Variants in LIN28B observed in about 807,000 individuals in gnomAD.
LIN28B encodes protein lin-28 homolog B.
LIN28B carries 5 observed loss-of-function variants against 21.9 expected under a neutral mutation model. That is an observed-to-expected ratio of 0.23 (90% CI 0.12 to 0.48). The LOEUF (loss-of-function observed/expected upper bound fraction) is 0.48, where lower values mean the gene tolerates loss of function less well. Among genes scored for constraint, LIN28B ranks in the 20% least tolerant of loss-of-function variants. LIN28B has a pLI of 0.98. For missense variants in LIN28B, 245 were observed against 310.5 expected (o/e 0.79, Z 1.58); for synonymous variants, 109 against 111.3 (o/e 0.98, Z 0.13).
In LIN28B at chr6:105,031,019, A is replaced by G. The variant is rs150562959; in HGVS notation, c.383+4537A>G. 3.1e-3 allele frequency among the ~76,000 whole-genome samples: 473 copies of G among 152,248 alleles called. 6 individuals are homozygous for G. Among genetic ancestry groups the G allele is most frequent in the African/African-American group, 0.011 (451 of 41,546 alleles). ...GAATACAAAAAGGTAGGAAAAATTA[A>G]GTATGGCCGCCAAACATGTATGCCC... On this transcript the variant is annotated intron_variant, in intron 3 of 3. Coordinates refer to ENST00000345080, the MANE Select transcript of LIN28B (RefSeq NM_001004317.4).
intron 2 of LIN28B, among the ~76,000 whole-genome samples, chr6:105,010,593 C>T (rs368645284): frequency 1.4e-4 from 22 of 152,258 alleles, no homozygotes; most frequent in African/African-American, 4.8e-4. Context: ...TATAACTCTG[C>T]ATCTATTATA....
intron 2 of LIN28B, among the ~76,000 whole-genome samples, chr6:104,973,022 A>G (rs1770011274): frequency 1.3e-5 from 2 of 152,132 alleles, no homozygotes; most frequent in Non-Finnish European, 2.9e-5. Flanking sequence ...GAGGTGTGAG[A>G]ATCGCTTGAA....
chr6:104,999,280 T>C (rs1770673025), intron 2 of LIN28B, among the ~76,000 whole-genome samples: 1 of 152,076 alleles, frequency 6.6e-6, no homozygotes, highest in Non-Finnish European at 1.5e-5. Flanking sequence ...GCTGGGACTA[T>C]AGGCCTTTGA....
chr6:104,989,587 T>TG lies in LIN28B; in HGVS notation c.198+31301_198+31302insG, dbSNP rs1562083384. Among the ~76,000 whole-genome samples, 473 of 126,458 alleles carry TG rather than the reference T, an allele frequency of 3.7e-3. 6 individuals are homozygous for TG. Among genetic ancestry groups the TG allele is most frequent in the African/African-American group, 0.014 (456 of 32,226 alleles). 83.0% of individuals were successfully genotyped at this position (126,458 alleles called of 152,430 possible). A position where few individuals can be genotyped will look rare whatever the true frequency, so the allele number is the denominator to read the frequency against. ...TTTATTTTACTTGGGTTTTTTTTTT[T>TG]TTTTTTTTTTTTTTGCATTTTTTTG... On this transcript the variant is annotated intron_variant, in intron 2 of 3. Transcript: ENST00000345080.
intron 2 of LIN28B, among the ~76,000 whole-genome samples, chr6:105,018,028 T>C (rs1020925017): frequency 8.5e-5 from 13 of 152,154 alleles, no homozygotes; most frequent in African/African-American, 2.9e-4. Context: ...ATCCCAACAC[T>C]TTGGGAGGCT....
chr6:105,016,626 C>G (rs1394369494), intron 2 of LIN28B, among the ~76,000 whole-genome samples: 3 of 152,102 alleles, frequency 2.0e-5, no homozygotes, highest in Non-Finnish European at 4.4e-5. Context: ...CCCTCTTTCC[C>G]TTGTTCCCCA....
At chr6:105,047,703 G>A (rs1771799875) in intron 3 of LIN28B, among the ~76,000 whole-genome samples, 1 of 152,136 alleles carries the variant, frequency 6.6e-6, no homozygotes, top group Non-Finnish European at 1.5e-5. Flanking sequence ...CTGAGCAGTG[G>A]TTTGTAGTTC....
chr6:105,060,375 C>T (rs1772103122), intron 3 of LIN28B, among the ~76,000 whole-genome samples: 3 of 152,108 alleles, frequency 2.0e-5, no homozygotes, highest in Non-Finnish European at 4.4e-5. Context: ...GCGATCTGCC[C>T]ACCTCTGCCT....
intron 2 of LIN28B, among the ~76,000 whole-genome samples, chr6:105,015,834 T>C (rs1036215741): frequency 1.3e-5 from 2 of 152,114 alleles, no homozygotes; most frequent in African/African-American, 4.8e-5. Flanking sequence ...CATAAGTAAA[T>C]ATTCAGTATA....
chr6:104,962,566 T>A (rs912222603), intron 2 of LIN28B, among the ~76,000 whole-genome samples: 1 of 152,128 alleles, frequency 6.6e-6, no homozygotes, highest in Non-Finnish European at 1.5e-5. Flanking sequence ...GTATGAGATA[T>A]GAAAACATTT....
At chr6:105,028,647 A>G (rs1253115072) in intron 3 of LIN28B, among the ~76,000 whole-genome samples, 1 of 152,162 alleles carries the variant, frequency 6.6e-6, no homozygotes, top group Non-Finnish European at 1.5e-5. Flanking sequence ...AAGATGGGGA[A>G]ACCTACAGAA....
rs1770955371 is a variant in LIN28B at position 105,013,019 on chromosome 6, T to C, written c.199-13279T>C. 2.6e-5 allele frequency among the ~76,000 whole-genome samples: 4 copies of C among 152,080 alleles called. No homozygotes were observed. The South Asian group carries it at 8.3e-4, about 32-fold the overall frequency. On this transcript the variant is annotated intron_variant, in intron 2 of 3. Transcript: ENST00000345080. ...TGTGTATTGCATTGTGGTTTTTTTG[T>C]TTGTTTGTGTTTTGAGACGGAGTTT... is the stretch of plus-strand genomic sequence containing the variant.
chr6:105,031,789 C>A (rs1010421873), intron 3 of LIN28B, among the ~76,000 whole-genome samples: 2 of 152,096 alleles, frequency 1.3e-5, no homozygotes, highest in African/African-American at 4.8e-5. Flanking sequence ...CCCGCCTTGG[C>A]CTCCCAAAGT....
chr6:105,076,156 A>G (rs1772420354), intron 3 of LIN28B, among the ~76,000 whole-genome samples: 1 of 152,206 alleles, frequency 6.6e-6, no homozygotes, highest in Non-Finnish European at 1.5e-5. Flanking sequence ...ACAATATTGA[A>G]TCTGCACTGT....
At chr6:105,012,045 C>G (rs951365018) in intron 2 of LIN28B, among the ~76,000 whole-genome samples, 8 of 152,168 alleles carry the variant, frequency 5.3e-5, no homozygotes, top group African/African-American at 1.7e-4. Flanking sequence ...GTAATCCCAG[C>G]TACTCGGGAG....
chr6:105,032,871 T>C (rs941327383), intron 3 of LIN28B, among the ~76,000 whole-genome samples: 5 of 152,204 alleles, frequency 3.3e-5, no homozygotes, highest in Non-Finnish European at 5.9e-5. Context: ...AAACTGTTTC[T>C]TCATATCTTT....
chr6:105,013,220 AGGC>A (rs1770959062), intron 2 of LIN28B, among the ~76,000 whole-genome samples: 1 of 151,912 alleles, frequency 6.6e-6, no homozygotes, highest in Non-Finnish European at 1.5e-5. Flanking sequence ...CATGTTGGTC[AGGC>A]TGGTTGTGAA....
intron 2 of LIN28B, among the ~76,000 whole-genome samples, chr6:104,985,462 T>A (rs1366638224): frequency 6.6e-6 from 1 of 152,208 alleles, no homozygotes; most frequent in Non-Finnish European, 1.5e-5. Context: ...GATTGTTCTT[T>A]TTTATTGATT....
At chr6:104,949,129 T>C (rs2114550779) in intron 2 of LIN28B, among the ~76,000 whole-genome samples, 1 of 152,268 alleles carries the variant, frequency 6.6e-6, no homozygotes, top group East Asian at 1.9e-4. Context: ...GCAGATAGGA[T>C]TAAGAATAGG....
Sources: allele counts gnomAD v4.1 joint callset (sites outside exome capture counted in the v4.1 genomes callset), GRCh38; gene constraint gnomAD v4.1.1; transcripts MANE v1.5; gene names NCBI Gene and HGNC (gene_info 2026-07-23, HGNC 2026-07-21).